Variants in PDE10A observed in about 807,000 individuals in gnomAD.
PDE10A encodes cAMP and cAMP-inhibited cGMP 3',5'-cyclic phosphodiesterase 10A.
PDE10A carries 39 observed loss-of-function variants against 97.7 expected under a neutral mutation model. The observed-to-expected ratio is 0.40, with a 90% CI of 0.31 to 0.52. The LOEUF (loss-of-function observed/expected upper bound fraction) is 0.52, where lower values mean the gene tolerates loss of function less well. Ranked by LOEUF, PDE10A falls within the 20% of genes least tolerant of loss-of-function variation. The probability of loss-of-function intolerance (pLI) is 0.56; values close to 1 mark genes in which losing one functional copy is unlikely to be tolerated. For synonymous variants in PDE10A, 371 were observed against 376.8 expected (o/e 0.98, Z 0.18); for missense variants, 731 against 1,047.8 (o/e 0.70, Z 4.17).
At chr6:165,576,927 G>A (rs1785337938) in intron 1 of PDE10A, among the ~76,000 whole-genome samples, 2 of 152,186 alleles carry the variant, frequency 1.3e-5, no homozygotes, top group South Asian at 4.1e-4. Flanking sequence ...TCATGGTAAT[G>A]CTCTCCTTCC....
intron 1 of PDE10A, among the ~76,000 whole-genome samples, chr6:165,837,105 C>T (rs1239547339): frequency 2.0e-5 from 3 of 149,978 alleles, no homozygotes; most frequent in Non-Finnish European, 4.4e-5. Context: ...TGCTAGATGA[C>T]GAGTTAGTGG....
chr6:165,955,773 G>C (rs10455967), intron 1 of PDE10A, among the ~76,000 whole-genome samples: 26,853 of 152,170 alleles, frequency 0.18, 2,504 homozygotes, highest in Middle Eastern at 0.2. Flanking sequence ...AACTAGTAGT[G>C]CAAACAGGAT....
At chr6:165,752,418 A>T (rs561247460) in intron 1 of PDE10A, among the ~76,000 whole-genome samples, 2 of 152,320 alleles carry the variant, frequency 1.3e-5, no homozygotes, top group South Asian at 4.1e-4. Context: ...GTCCAGCTGC[A>T]CTGAACCTGG....
At chr6:165,438,551 A>T (rs917613320) in intron 5 of PDE10A, among the ~76,000 whole-genome samples, 1 of 152,190 alleles carries the variant, frequency 6.6e-6, no homozygotes, top group African/African-American at 2.4e-5. Flanking sequence ...GTTTACTTGT[A>T]TACCACACTG....
chr6:165,500,890 T>TA (rs970862409), intron 2 of PDE10A, among the ~76,000 whole-genome samples: 1 of 152,146 alleles, frequency 6.6e-6, no homozygotes, highest in African/African-American at 2.4e-5. Flanking sequence ...TACTGCTCTT[T>TA]ACGGCACCCA....
chr6:165,922,795 A>C (rs1041962525), intron 1 of PDE10A, among the ~76,000 whole-genome samples: 1 of 152,150 alleles, frequency 6.6e-6, no homozygotes, highest in African/African-American at 2.4e-5. Flanking sequence ...CTGTTTTCTC[A>C]ATCTTGGAAA....
chr6:165,976,649 T>A (rs1208545315), intron 1 of PDE10A, among the ~76,000 whole-genome samples: 1 of 152,198 alleles, frequency 6.6e-6, no homozygotes, highest in African/African-American at 2.4e-5. Context: ...AGCCCATATG[T>A]GAAACTCAGA....
rs542976546 is a variant in PDE10A, at chr6:165,884,942, G to C, written c.-615+102587C>G. ...GAAGAAGGGAGCAGTGGCGGTGCGC[G>C]TAATTGCAAGGCTGTGTCGTCCTGT... On this transcript the variant is annotated intron_variant, in intron 1 of 19. Transcript: ENST00000366882. Among the ~76,000 whole-genome samples, 28 of 152,316 alleles carry C rather than the reference G, an allele frequency of 1.8e-4. No individual in the cohort carries two copies. In the East Asian group the frequency reaches 3.7e-3, roughly 20 times the overall value.
At chr6:165,906,648 C>A (rs1009566661) in intron 1 of PDE10A, among the ~76,000 whole-genome samples, 4 of 152,188 alleles carry the variant, frequency 2.6e-5, no homozygotes, top group Non-Finnish European at 4.4e-5. Flanking sequence ...AAGGGGTCCT[C>A]TGGCAGGTGC....
rs528745768 is a variant in PDE10A at position 165,754,694 on chromosome 6, C to T, written c.-614-211126G>A. Among the ~76,000 whole-genome samples, 7 of 152,174 alleles carry T rather than the reference C, an allele frequency of 4.6e-5. No individual in the cohort carries two copies. The East Asian group carries it at 1.2e-3, about 25-fold the overall frequency. ...AGAGCTACAACTCTACTCCACTTACCGTGTGAATTTGGGAAAGTCACTTAA... is the reference window on the plus strand; with the variant it reads ...AGAGCTACAACTCTACTCCACTTACTGTGTGAATTTGGGAAAGTCACTTAA... On this transcript the variant is annotated intron_variant, in intron 1 of 19. Coordinates refer to the PDE10A transcript ENST00000366882.
chr6:165,574,898 T>C (rs892086417), intron 1 of PDE10A, among the ~76,000 whole-genome samples: 1 of 152,222 alleles, frequency 6.6e-6, no homozygotes, highest in Non-Finnish European at 1.5e-5. Context: ...TACTCCTCTA[T>C]GTGGGTTAGA....
intron 2 of PDE10A, among the ~76,000 whole-genome samples, chr6:165,497,529 GA>G (rs1780610825): frequency 6.6e-6 from 1 of 151,932 alleles, no homozygotes; most frequent in Non-Finnish European, 1.5e-5. Flanking sequence ...ATATAAATTG[GA>G]TTTGACTTAC....
At chr6:165,425,770 C>CATGTGTGTGTGTGTGTGTGTGTGT (rs112669910) in intron 10 of PDE10A, among the ~76,000 whole-genome samples, 43 of 144,108 alleles carry the variant, frequency 3.0e-4, no homozygotes, top group African/African-American at 1.1e-3. Flanking sequence ...AAGGCATGAT[C>CATGTGTGTGTGTGTGTGTGTGTGT]GTGTGTGTGT....
In PDE10A at chr6:165,552,613, T is replaced by C. The variant is rs1784072665; in HGVS notation, c.866-9045A>G. On this transcript the variant is annotated intron_variant, in intron 1 of 21. Coordinates refer to ENST00000539869, the MANE Select transcript of PDE10A (RefSeq NM_001385079.1). ...AACACTAGACAAACACTGTTAGACG[T>C]CACTGCTGGAGGAATGAAGGTATCC... Among the ~76,000 whole-genome samples, 3 of 152,176 alleles carry C rather than the reference T, an allele frequency of 2.0e-5. No individual in the cohort carries two copies. The South Asian group carries it at 6.2e-4, about 32-fold the overall frequency.
At chr6:165,966,115 T>C (rs1784502328) in intron 1 of PDE10A, among the ~76,000 whole-genome samples, 1 of 152,184 alleles carries the variant, frequency 6.6e-6, no homozygotes, top group South Asian at 2.1e-4. Context: ...ATCTAACACA[T>C]TTGAACTTCA....
At chr6:165,959,386 C>G (rs534123647) in intron 1 of PDE10A, among the ~76,000 whole-genome samples, 19 of 152,268 alleles carry the variant, frequency 1.2e-4, no homozygotes, top group Non-Finnish European at 2.1e-4. Flanking sequence ...CTTTCTTGCA[C>G]TAATGCTTTT....
chr6:165,822,172 A>G (rs1466443057), intron 1 of PDE10A, among the ~76,000 whole-genome samples: 1 of 152,202 alleles, frequency 6.6e-6, no homozygotes, highest in African/African-American at 2.4e-5. Flanking sequence ...CCTTGTGCGA[A>G]CATAACAGAG....
At position 165,722,085 on chromosome 6, in the gene PDE10A, T is replaced by G. The variant is rs544977069; in HGVS notation, c.-614-178517A>C. ...TCAAAAATGTATTTTTGCAAAAATT[T>G]TCAAGTGGCACAGAATTACTTACGT... On this transcript the variant is annotated intron_variant, in intron 1 of 19. Coordinates refer to the PDE10A transcript ENST00000366882. 2.6e-5 allele frequency among the ~76,000 whole-genome samples: 4 copies of G among 152,350 alleles called. No individual in the cohort carries two copies. The South Asian group carries it at 8.3e-4, about 32-fold the overall frequency.
chr6:165,457,187 A>G (rs1425986769), intron 3 of PDE10A, among the ~76,000 whole-genome samples: 1 of 152,210 alleles, frequency 6.6e-6, no homozygotes, highest in African/African-American at 2.4e-5. Context: ...AACAATTACA[A>G]TAAGTATACT....
Sources: allele counts gnomAD v4.1 joint callset (sites outside exome capture counted in the v4.1 genomes callset), GRCh38; gene constraint gnomAD v4.1.1; transcripts MANE v1.5; gene names NCBI Gene and HGNC (gene_info 2026-07-23, HGNC 2026-07-21).